ST3GAL3: variants seen among roughly 807,000 people sequenced by gnomAD.
ST3GAL3 encodes the protein CMP-N-acetylneuraminate-beta-1,4-galactoside alpha-2,3-sialyltransferase.
A neutral mutation model predicts 50.1 loss-of-function variants in ST3GAL3; 21 were observed. That is an observed-to-expected ratio of 0.42 (90% CI 0.30 to 0.60). The LOEUF (loss-of-function observed/expected upper bound fraction) is 0.60, where lower values mean the gene tolerates loss of function less well. Ranked by LOEUF, ST3GAL3 falls within the 20% of genes least tolerant of loss-of-function variation. The pLI is 0.19. For synonymous variants in ST3GAL3, 183 were observed against 190.0 expected, an observed-to-expected ratio of 0.96 and a Z score of 0.30; for missense variants, 353 against 489.4, an observed-to-expected ratio of 0.72 and a Z score of 2.63.
At chr1:43,837,189 G>A (rs1224666505) in intron 4 of ST3GAL3, among the ~76,000 whole-genome samples, 3 of 152,186 alleles carry the variant, frequency 2.0e-5, no homozygotes, top group Non-Finnish European at 4.4e-5. Context: ...AGTATATGAT[G>A]TGAGGGGAAG....
chr1:43,913,019 G>C (rs2154288318), intron 9 of ST3GAL3: 1 of 152,470 alleles, frequency 6.6e-6, no homozygotes, highest in East Asian at 1.9e-4. Context: ...TGGGCCAGAT[G>C]TGGACACTTG....
intron 10 of ST3GAL3, 30 bp from the exon 11 acceptor site, chr1:43,920,752 C>T (rs1412412775): frequency 1.2e-6 from 2 of 1,614,132 alleles, no homozygotes; most frequent in Admixed American, 3.3e-5. Flanking sequence ...ACTCTGCATG[C>T]CTTCTCTCAC....
intron 2 of ST3GAL3, 30 bp downstream of exon 2, chr1:43,736,410 G>A (rs1177822276): frequency 6.2e-7 from 1 of 1,614,112 alleles, no homozygotes; most frequent in Non-Finnish European, 8.5e-7. Context: ...CTCACCCCAG[G>A]AGAAGCCTGT....
At chr1:43,777,073 T>C (rs1204341719) in intron 2 of ST3GAL3, among the ~76,000 whole-genome samples, 1 of 152,352 alleles carries the variant, frequency 6.6e-6, no homozygotes, top group Non-Finnish European at 1.5e-5. Flanking sequence ...ATGTATATTA[T>C]ATAGGTCCTG....
intron 5 of ST3GAL3, among the ~76,000 whole-genome samples, chr1:43,890,375 C>T (rs970610038): frequency 1.3e-5 from 2 of 151,988 alleles, no homozygotes; most frequent in African/African-American, 4.8e-5. Context: ...ACTATTTTTT[C>T]TGCCTTTTTA....
chr1:43,880,316 A>G (rs2074891167), intron 5 of ST3GAL3, among the ~76,000 whole-genome samples: 1 of 152,110 alleles, frequency 6.6e-6, no homozygotes, highest in Non-Finnish European at 1.5e-5. Flanking sequence ...ACAACCCCAA[A>G]TCTTCCCAAG....
In ST3GAL3 at chr1:43,721,812, G is replaced by T. The variant is rs1039883732; in HGVS notation, c.-31+14119G>T. Among the ~76,000 whole-genome samples, 4 of 151,954 alleles carry T rather than the reference G, an allele frequency of 2.6e-5. No individual in the cohort carries two copies. In the South Asian group the frequency reaches 6.2e-4, roughly 24 times the overall value. ...AACAGGGTTTCACCATGTTGGTCAG[G>T]CTGGTCTTGAACTCCTGACCTAAGG... is the stretch of plus-strand genomic sequence containing the variant. On this transcript the variant is annotated intron_variant, in intron 1 of 11. Coordinates refer to ENST00000347631, the MANE Select transcript of ST3GAL3 (RefSeq NM_006279.5).
chr1:43,894,059 ACTATT>A (rs2077016285), intron 5 of ST3GAL3: 4 of 392,914 alleles, frequency 1.0e-5, no homozygotes, highest in Non-Finnish European at 1.9e-5. Flanking sequence ...GGCAGCAGTG[ACTATT>A]TGATGAATGC....
intron 5 of ST3GAL3, among the ~76,000 whole-genome samples, chr1:43,846,819 A>G (rs974810283): frequency 6.6e-6 from 1 of 152,232 alleles, no homozygotes; most frequent in Non-Finnish European, 1.5e-5. Flanking sequence ...TGTTTGAAAT[A>G]GTCAATTATT....
chr1:43,906,438 CCCT>C (rs1308981691), intron 9 of ST3GAL3, among the ~76,000 whole-genome samples: 2 of 128,682 alleles, frequency 1.6e-5, no homozygotes, highest in South Asian at 2.9e-4. Context: ...CCACTCTTCC[CCCT>C]CCTCCTCCTG....
At chr1:43,826,387 A>G (rs1159445529) in intron 4 of ST3GAL3, among the ~76,000 whole-genome samples, 1 of 152,338 alleles carries the variant, frequency 6.6e-6, no homozygotes, top group South Asian at 2.1e-4. Context: ...GGAGAAAAAG[A>G]CCATCTGAAT....
At position 43,920,421 on chromosome 1, in the gene ST3GAL3, C is replaced by A; in HGVS notation, c.762C>A (p.Phe254Leu). The change falls in exon 10 of 12, where the codon TTC (phenylalanine) becomes TTA (leucine). Residue 254 changes from phenylalanine (F) to leucine (L), a missense_variant. By Grantham distance (22) the Phe-to-Leu change is conservative (BLOSUM62 0). Coordinates refer to ENST00000347631, the MANE Select transcript of ST3GAL3 (RefSeq NM_006279.5). ...YKERVSASDG[F>L]WKSVATRVPK... The stretch of plus-strand genomic sequence containing the variant: ...GTCCACAGAGTGCATCGGATGGCTT[C>A]TGGAAATCTGTGGCCACTCGAGTGC... 6.2e-7 allele frequency: 1 copy of A among 1,614,112 alleles called. No homozygotes were observed. Among genetic ancestry groups the A allele is most frequent in the Non-Finnish European group, 8.5e-7 (1 of 1,180,028 alleles).
chr1:43,728,341 GAAAACA>G (rs113220015), intron 1 of ST3GAL3, among the ~76,000 whole-genome samples: 7 of 130,522 alleles, frequency 5.4e-5, no homozygotes, highest in African/African-American at 2.5e-5. Context: ...CTCCTTCTCA[GAAAACA>G]AAAACAAAAA....
intron 2 of ST3GAL3, among the ~76,000 whole-genome samples, chr1:43,762,104 G>A (rs575866322): frequency 9.3e-5 from 14 of 150,662 alleles, no homozygotes; most frequent in African/African-American, 3.4e-4. Flanking sequence ...CGTCTCTACC[G>A]AAAATAAAAA....
intron 4 of ST3GAL3, chr1:43,824,793 A>G (rs770024092): frequency 5.8e-6 from 9 of 1,539,342 alleles, no homozygotes; most frequent in South Asian, 1.1e-5. Flanking sequence ...TCACCTGGAG[A>G]GCCTAAAAAA....
rs371381545 is a variant in ST3GAL3, at chr1:43,781,083, C to G, written c.119-11019C>G. Among the ~76,000 whole-genome samples the G allele has an allele frequency of 6.6e-5, 10 of 152,174 alleles. No homozygotes were observed. The East Asian group carries it at 1.5e-3, about 23-fold the overall frequency. Reference sequence around the variant, plus strand: ...AGTTCAACTTTTCCCACTACCAGCACAGGATTCAGCTTTCTTGAGTTTGCT... The same window carrying G: ...AGTTCAACTTTTCCCACTACCAGCAGAGGATTCAGCTTTCTTGAGTTTGCT... On this transcript the variant is annotated intron_variant, in intron 2 of 11. Transcript: ENST00000347631.
chr1:43,917,638 A>T (rs1455310663), intron 9 of ST3GAL3, among the ~76,000 whole-genome samples: 792 of 71,090 alleles, frequency 0.011, 15 homozygotes, highest in African/African-American at 0.047. Flanking sequence ...ATAATATATA[A>T]TATAATATAT....
rs147066798 is a variant in ST3GAL3 at position 43,782,093 on chromosome 1, G to A, written c.119-10009G>A. On this transcript the variant is annotated intron_variant, in intron 2 of 11. Coordinates refer to ENST00000347631, the MANE Select transcript of ST3GAL3 (RefSeq NM_006279.5). ...CCTGCTCTTTCTGAAATCGCCAGTA[G>A]CATCCTAATTGGCAAACCCAAAGAA... is the stretch of plus-strand genomic sequence containing the variant. Among the ~76,000 whole-genome samples the A allele has an allele frequency of 4.3e-3, 660 of 152,256 alleles. 6 individuals are homozygous for A. The highest frequency in any genetic ancestry group is 6.6e-3 in the East Asian group (34 of 5,184).
chr1:43,834,467 A>G (rs1244855853), intron 4 of ST3GAL3, among the ~76,000 whole-genome samples: 2 of 151,860 alleles, frequency 1.3e-5, no homozygotes, highest in Non-Finnish European at 2.9e-5. Flanking sequence ...GTTGGTGGTG[A>G]CCTCCCTGTT....
Sources: gnomAD v4.1 joint callset for allele counts (sites outside exome capture counted in the v4.1 genomes callset) on GRCh38, gnomAD v4.1.1 for gene constraint, MANE v1.5 for transcripts, NCBI Gene and HGNC (gene_info 2026-07-23, HGNC 2026-07-21) for gene names.